TCF7: variants seen among roughly 807,000 people sequenced by gnomAD.
TCF7 encodes T-cell-factor-7.
A neutral mutation model predicts 46.8 loss-of-function variants in TCF7; 19 were observed. That is an observed-to-expected ratio of 0.41 (90% CI 0.28 to 0.60). The LOEUF is 0.60. Ranked by LOEUF, TCF7 falls within the 20% of genes least tolerant of loss-of-function variation. TCF7 has a pLI of 0.35. For missense variants in TCF7, 547 were observed against 504.6 expected, an observed-to-expected ratio of 1.08 and a Z score of -0.81; for synonymous variants, 245 against 213.4, an observed-to-expected ratio of 1.15 and a Z score of -1.29.
intron 9 of TCF7, chr5:134,145,146 C>T: frequency 1.6e-6 from 1 of 632,360 alleles, no homozygotes; most frequent in Non-Finnish European, 3.0e-6. Context: ...TGCCAGTGGG[C>T]CTAGCAGGTC....
chr5:134,140,567 C>G, intron 5 of TCF7: 1 of 339,830 alleles, frequency 2.9e-6, no homozygotes, highest in South Asian at 2.1e-5. Context: ...GCCCAGGGGC[C>G]TGCTAAGCTG....
rs1755565275 is a variant in TCF7, at chr5:134,114,801, ATCC to A, written c.-105_-103del. On this transcript the variant is annotated 5_prime_UTR_variant, in exon 1 of 10. Coordinates refer to ENST00000342854, the MANE Select transcript of TCF7 (RefSeq NM_003202.5). Reference sequence around the variant, plus strand: ...GTCAGCCCGCGCTCCGCCCGCCGCGATCCGAGCTCGGAGGTTCGGACTCCGGGC... The same window carrying A: ...GTCAGCCCGCGCTCCGCCCGCCGCGAGAGCTCGGAGGTTCGGACTCCGGGC... 1.0e-6 allele frequency: 1 copy of A among 962,720 alleles called. No individual in the cohort carries two copies. Among genetic ancestry groups the A allele is most frequent in the Non-Finnish European group, 1.2e-6 (1 of 811,792 alleles). 59.6% of individuals were successfully genotyped at this position (962,720 alleles called of 1,614,324 possible).
In TCF7 at chr5:134,138,937, T is replaced by G; in HGVS notation, c.548-14T>G. On this transcript the variant is annotated splice_polypyrimidine_tract_variant and intron_variant, in intron 4 of 9. Transcript: ENST00000342854. ...GTCAGGCTAGCCCACTCACTCAGCT[T>G]CTCTCCTCTGCAGTTCACAGGCCTC... The G allele has an allele frequency of 6.2e-7, 1 of 1,613,588 alleles. No individual in the cohort carries two copies. The highest frequency in any genetic ancestry group is 8.5e-7 in the Non-Finnish European group (1 of 1,179,918).
At chr5:134,131,854 A>G (rs1758169763) in intron 3 of TCF7, among the ~76,000 whole-genome samples, 1 of 152,356 alleles carries the variant, frequency 6.6e-6, no homozygotes, top group East Asian at 1.9e-4. Context: ...TTGCAGAGGG[A>G]AGGCACCTGG....
rs1278098094 is a variant in TCF7 at position 134,128,578 on chromosome 5, C to T, written c.442-9481C>T. Among the ~76,000 whole-genome samples the T allele has an allele frequency of 2.8e-5, 4 of 142,560 alleles. No homozygotes were observed. The East Asian group carries it at 5.8e-4, about 21-fold the overall frequency. 93.5% of individuals were successfully genotyped at this position (142,560 alleles called of 152,430 possible). On this transcript the variant is annotated intron_variant, in intron 3 of 9. Coordinates refer to ENST00000342854, the MANE Select transcript of TCF7 (RefSeq NM_003202.5). ...CTGGTGCAGGCTGCGGGACAGAACA[C>T]ATGACAAGACCCCTGTCTTGTCTTT...
At position 134,122,439 on chromosome 5, in the gene TCF7, G is replaced by A. The variant is rs564533211; in HGVS notation, c.441+6406G>A. ...GCAGCACACGGGAATATTCATACCA[G>A]CACTGCCACCTCCTCAGCTACTCTG... is the stretch of plus-strand genomic sequence containing the variant. On this transcript the variant is annotated intron_variant, in intron 3 of 9. Transcript: ENST00000342854. Among the ~76,000 whole-genome samples the A allele has an allele frequency of 1.8e-3, 277 of 152,262 alleles. 1 individual carries two copies. Among genetic ancestry groups the A allele is most frequent in the African/African-American group, 6.1e-3 (253 of 41,540 alleles).
chr5:134,111,366 G>T (rs1211922045), upstream of TCF7, among the ~76,000 whole-genome samples: 1 of 152,190 alleles, frequency 6.6e-6, no homozygotes, highest in African/African-American at 2.4e-5. Context: ...GAATCCAGAA[G>T]ACTCTGGGGC....
At chr5:134,142,115 G>C in intron 5 of TCF7, 70 bp from the exon 6 acceptor site, 1 of 1,603,296 alleles carries the variant, frequency 6.2e-7, no homozygotes. Flanking sequence ...ATTATGCAGG[G>C]GCCTCTGTGT....
At chr5:134,123,995 C>T (rs1005197675) in intron 3 of TCF7, among the ~76,000 whole-genome samples, 1 of 152,012 alleles carries the variant, frequency 6.6e-6, no homozygotes, top group African/African-American at 2.4e-5. Flanking sequence ...TCCATTTGAC[C>T]CTCATGCTCT....
chr5:134,143,993 TCTG>T, intron 9 of TCF7: 2 of 245,944 alleles, frequency 8.1e-6, no homozygotes, highest in South Asian at 1.2e-4. Flanking sequence ...CCTGGCTAGT[TCTG>T]CTGAGACTGG....
upstream of TCF7, chr5:134,114,574 C>A (rs1267784530): frequency 6.6e-6 from 1 of 151,898 alleles, no homozygotes; most frequent in Non-Finnish European, 1.5e-5. Context: ...CCCTTTAAGG[C>A]TATGCCGAGT....
intron 6 of TCF7, 42 bp from the exon 7 acceptor site, chr5:134,142,679 C>T (rs1232628291): frequency 1.9e-6 from 3 of 1,605,124 alleles, no homozygotes; most frequent in Non-Finnish European, 2.6e-6. Context: ...ATTAGGTGGG[C>T]ACTCGGGGGG....
intron 5 of TCF7, 57 bp downstream of exon 5, chr5:134,139,095 C>T: frequency 6.3e-7 from 1 of 1,593,600 alleles, no homozygotes; most frequent in East Asian, 2.3e-5. Context: ...CAAGACCTGC[C>T]TGCCCTTCCA....
intron 3 of TCF7, among the ~76,000 whole-genome samples, chr5:134,137,447 A>C (rs1377246752): frequency 8.2e-6 from 1 of 121,362 alleles, no homozygotes; most frequent in East Asian, 4.8e-4. Context: ...AAAAAAAAAA[A>C]CAGAGAAAAA....
intron 9 of TCF7, chr5:134,145,653 T>G: frequency 1.5e-6 from 2 of 1,376,058 alleles, no homozygotes; most frequent in African/African-American, 1.4e-5. Flanking sequence ...AAGGAGGAGT[T>G]TGGGGTGTGT....
the TCF7 span, among the ~76,000 whole-genome samples, chr5:134,109,369 C>A: frequency 6.6e-6 from 1 of 152,180 alleles, no homozygotes; most frequent in Non-Finnish European, 1.5e-5. Flanking sequence ...GTGACCCCCA[C>A]ATGAACACCA....
At chr5:134,146,110 AG>A in intron 9 of TCF7, 113 bp from the exon 10 acceptor site, 2 of 1,607,178 alleles carry the variant, frequency 1.2e-6, no homozygotes, top group Non-Finnish European at 1.7e-6. Flanking sequence ...CCCAAGTCCC[AG>A]GAAGAGAGGA....
chr5:134,128,107 C>T (rs1016549505), intron 3 of TCF7, among the ~76,000 whole-genome samples: 1 of 152,312 alleles, frequency 6.6e-6, no homozygotes, highest in South Asian at 2.1e-4. Context: ...TCCCCTTACA[C>T]TCCGTTGCGT....
intron 9 of TCF7, 24 bp from the exon 10 acceptor site, chr5:134,146,200 G>T (rs1308533480): frequency 6.2e-7 from 1 of 1,614,172 alleles, no homozygotes. Flanking sequence ...TCTGTTTACA[G>T]ATAACTCTCT....
Sources: allele counts gnomAD v4.1 joint callset (sites outside exome capture counted in the v4.1 genomes callset), GRCh38; gene constraint gnomAD v4.1.1; transcripts MANE v1.5; gene names NCBI Gene and HGNC (gene_info 2026-07-23, HGNC 2026-07-21).